SPATA13: variants seen among roughly 807,000 people sequenced by gnomAD.
SPATA13 encodes spermatogenesis-associated protein 13.
In SPATA13, 50 loss-of-function variants were observed where a neutral mutation model predicts 104.0. The observed-to-expected ratio is 0.48, with a 90% CI of 0.38 to 0.61. SPATA13 has a LOEUF of 0.61. SPATA13 is among the 20% of genes least tolerant of loss of function. SPATA13 has a pLI of 0.00. For synonymous variants in SPATA13, 606 were observed against 667.5 expected (o/e 0.91, Z 1.42); for missense variants, 1,524 against 1,690.6 (o/e 0.90, Z 1.73).
At position 24,249,816 on chromosome 13, in the gene SPATA13, G is replaced by C. The variant is rs1427970419; in HGVS notation, c.1993G>C (p.Glu665Gln). The change falls in exon 3 of 13, where the codon GAG becomes CAG. Residue 665 changes from glutamate (E) to glutamine (Q), a missense_variant. This residue lies in a region of SPATA13 where 1,089 missense variants were observed against 1,135.9 expected (regional missense o/e 0.96). Transcript: ENST00000382108. Reference protein sequence around the residue: ...GVSLYGTNQTEELDNLLTQPA... With the variant: ...GVSLYGTNQTQELDNLLTQPA... ...CAGCTTGTATGGGACCAACCAGACGGAGGAACTGGACAATCTTCTGACCCA... is the reference window on the plus strand; with the variant it reads ...CAGCTTGTATGGGACCAACCAGACGCAGGAACTGGACAATCTTCTGACCCA... The C allele has an allele frequency of 1.2e-6, 2 of 1,609,484 alleles. No homozygotes were observed. The highest frequency in any genetic ancestry group is 2.2e-5 in the South Asian group (2 of 90,718).
chr13:24,083,268 C>G (rs559798827), intron 3 of SPATA13, among the ~76,000 whole-genome samples: 2 of 152,338 alleles, frequency 1.3e-5, no homozygotes, highest in South Asian at 4.1e-4. Flanking sequence ...AGTCCTCTTG[C>G]AGGCCGTGAG....
intron 4 of SPATA13, among the ~76,000 whole-genome samples, chr13:24,269,831 C>T (rs370244416): frequency 1.4e-5 from 2 of 147,646 alleles, no homozygotes; most frequent in East Asian, 4.0e-4. Flanking sequence ...TCAATTGATC[C>T]TCCCACCTTG....
At chr13:24,158,717 G>A (rs902872239), upstream of SPATA13, among the ~76,000 whole-genome samples, 2 of 152,094 alleles carry the variant, frequency 1.3e-5, no homozygotes, top group Non-Finnish European at 2.9e-5. Flanking sequence ...TATGTGCTAA[G>A]TTGATAGATA....
chr13:24,269,948 C>A (rs1874489206), intron 4 of SPATA13, among the ~76,000 whole-genome samples: 1 of 151,428 alleles, frequency 6.6e-6, no homozygotes, highest in South Asian at 2.1e-4. Context: ...TCATGAATTC[C>A]TGGTTTTAAG....
At chr13:24,301,768 A>G (rs955626339) in intron 12 of SPATA13, among the ~76,000 whole-genome samples, 4 of 152,348 alleles carry the variant, frequency 2.6e-5, no homozygotes, top group African/African-American at 7.2e-5. Flanking sequence ...GTTTTAATCT[A>G]ATCGCTAATT....
intron 2 of SPATA13, among the ~76,000 whole-genome samples, chr13:24,012,786 T>C (rs1204195402): frequency 1.3e-5 from 2 of 152,186 alleles, no homozygotes; most frequent in Non-Finnish European, 2.9e-5. Flanking sequence ...GCCACAGCAA[T>C]GCCCAGAACA....
At chr13:24,146,075 T>G (rs937533755) in intron 3 of SPATA13, among the ~76,000 whole-genome samples, 1 of 152,176 alleles carries the variant, frequency 6.6e-6, no homozygotes, top group African/African-American at 2.4e-5. Flanking sequence ...CAGGAAGAAT[T>G]TGGATTTGGG....
intron 3 of SPATA13, among the ~76,000 whole-genome samples, chr13:24,039,960 T>C (rs899360716): frequency 7.9e-5 from 12 of 152,160 alleles, no homozygotes; most frequent in African/African-American, 2.4e-4. Context: ...TTCTGAGTGG[T>C]GGAGCCCAAG....
chr13:24,127,799 A>G (rs900810863), intron 3 of SPATA13, among the ~76,000 whole-genome samples: 2 of 152,250 alleles, frequency 1.3e-5, no homozygotes, highest in African/African-American at 4.8e-5. Context: ...AGACAATGGT[A>G]TCATAAATTT....
At chr13:24,252,398 T>G (rs551590721) in intron 4 of SPATA13, among the ~76,000 whole-genome samples, 1 of 152,234 alleles carries the variant, frequency 6.6e-6, no homozygotes, top group Non-Finnish European at 1.5e-5. Flanking sequence ...CTCATCTTAA[T>G]GTGATTATCT....
chr13:24,298,505 C>A (rs1876950426), intron 11 of SPATA13, among the ~76,000 whole-genome samples: 1 of 152,196 alleles, frequency 6.6e-6, no homozygotes, highest in Non-Finnish European at 1.5e-5. Context: ...GATGGCAGCA[C>A]CCACAGTCTC....
chr13:24,019,613 C>A (rs1460886727), intron 3 of SPATA13, among the ~76,000 whole-genome samples: 1 of 152,086 alleles, frequency 6.6e-6, no homozygotes, highest in Admixed American at 6.6e-5. Context: ...AGTGCATTCT[C>A]TTTCTTCCTC....
At position 24,011,423 on chromosome 13, in the gene SPATA13, C is replaced by T. The variant is rs1876465965; in HGVS notation, c.-146-6244C>T. On this transcript the variant is annotated intron_variant, in intron 2 of 14. Transcript: ENST00000424834. This position sits in a 1 kb window ranked among gnomAD's most constrained non-coding sequence, Gnocchi z 4.3. ...CGTTCTGGGCAGGTCTGGCTTGCTG[C>T]CCTCCCCTGGAGAATGTGGCGACCC... Among the ~76,000 whole-genome samples, 1 of 152,228 alleles carries T rather than the reference C, an allele frequency of 6.6e-6. No individual in the cohort carries two copies. Among genetic ancestry groups the T allele is most frequent in the African/African-American group, 2.4e-5 (1 of 41,442 alleles).
intron 3 of SPATA13, among the ~76,000 whole-genome samples, chr13:24,042,421 G>A (rs911536984): frequency 1.4e-5 from 2 of 140,930 alleles, no homozygotes; most frequent in East Asian, 2.0e-4. Context: ...GAGATGTTGC[G>A]TGTTCACAGT....
chr13:24,176,727 T>C (rs1868457161), intron 1 of SPATA13, among the ~76,000 whole-genome samples: 1 of 152,202 alleles, frequency 6.6e-6, no homozygotes, highest in African/African-American at 2.4e-5. Context: ...CATATCTAAA[T>C]GATAATGAAA....
In SPATA13 at chr13:24,249,457, G is replaced by A; in HGVS notation, c.1654-20G>A. 6.6e-7 allele frequency: 1 copy of A among 1,524,216 alleles called. No individual in the cohort carries two copies. The highest frequency in any genetic ancestry group is 8.8e-7 in the Non-Finnish European group (1 of 1,132,790). The allele number at this position is 1,524,216 out of a possible 1,614,324, so 94.4% of individuals were successfully genotyped here. On this transcript the variant is annotated intron_variant, in intron 2 of 12. Transcript: ENST00000382108. Reference sequence around the variant, plus strand: ...ACCTTCCTGGATATTGAGCTCACCTGACCTGTTCGCATTTGAAAGGTCGTC... The same window carrying A: ...ACCTTCCTGGATATTGAGCTCACCTAACCTGTTCGCATTTGAAAGGTCGTC...
intron 3 of SPATA13, among the ~76,000 whole-genome samples, chr13:24,103,891 A>G (rs1880350968): frequency 2.6e-5 from 4 of 152,088 alleles, no homozygotes; most frequent in Admixed American, 2.6e-4. Context: ...TGAGGGGGAA[A>G]ATCTTAAAGG....
At chr13:24,041,217 TA>T (rs1877916084) in intron 3 of SPATA13, among the ~76,000 whole-genome samples, 1 of 152,210 alleles carries the variant, frequency 6.6e-6, no homozygotes, top group Admixed American at 6.5e-5. Flanking sequence ...GTTTGTTAAA[TA>T]AAAGGTGGTG....
At chr13:24,085,221 C>A (rs1034700172) in intron 3 of SPATA13, among the ~76,000 whole-genome samples, 1 of 152,270 alleles carries the variant, frequency 6.6e-6, no homozygotes, top group East Asian at 1.9e-4. Flanking sequence ...CTCCCGGGAT[C>A]AAGTGATTCT....
Sources: gnomAD v4.1 joint callset for allele counts (sites outside exome capture counted in the v4.1 genomes callset) on GRCh38, gnomAD v4.1.1 for gene constraint, gnomAD v4.1.1 regional missense constraint, Gnocchi (gnomAD v3.1) non-coding constraint, MANE v1.5 for transcripts, NCBI Gene and HGNC (gene_info 2026-07-23, HGNC 2026-07-21) for gene names.